OXR1: variants seen among roughly 807,000 people sequenced by gnomAD.
OXR1 encodes the protein oxidation resistance 1.
OXR1 carries 41 observed loss-of-function variants against 104.6 expected under a neutral mutation model. That is an observed-to-expected ratio of 0.39 (90% CI 0.31 to 0.51). The LOEUF (loss-of-function observed/expected upper bound fraction) is 0.51, where lower values mean the gene tolerates loss of function less well. OXR1 is among the 20% of genes least tolerant of loss of function. The pLI is 0.77. For synonymous variants in OXR1, 348 were observed against 348.4 expected, an observed-to-expected ratio of 1.00 and a Z score of 0.01; for missense variants, 955 against 1,031.9, an observed-to-expected ratio of 0.93 and a Z score of 1.02.
At chr8:106,748,167 T>A (rs554481853) in intron 16 of OXR1, among the ~76,000 whole-genome samples, 1 of 152,360 alleles carries the variant, frequency 6.6e-6, no homozygotes, top group African/African-American at 2.4e-5. Context: ...TTCTAATTTA[T>A]CTCTGTATTT....
At chr8:106,712,593 G>A (rs1349295162) in intron 10 of OXR1, among the ~76,000 whole-genome samples, 2 of 152,026 alleles carry the variant, frequency 1.3e-5, no homozygotes, top group African/African-American at 2.4e-5. Flanking sequence ...ACACGTTTGT[G>A]TACCTCTTGG....
At position 106,740,126 on chromosome 8, in the gene OXR1, G is replaced by T. The variant is rs1278351671; in HGVS notation, c.2164-217G>T. ...TGTTCTAATCTGTGTCTGGTTCAGG[G>T]TGATTCTTTATTTTCCTAATAGACA... On this transcript the variant is annotated intron_variant, in intron 13 of 16. Coordinates refer to ENST00000517566, the MANE Select transcript of OXR1 (RefSeq NM_001198533.2). 9.0e-6 allele frequency: 4 copies of T among 444,144 alleles called. No homozygotes were observed. The East Asian group carries it at 1.5e-4, about 17-fold the overall frequency. The allele number at this position is 444,144 out of a possible 1,614,324, so 27.5% of individuals were successfully genotyped here. A position where few individuals can be genotyped will look rare whatever the true frequency, so the allele number is the denominator to read the frequency against.
intron 1 of OXR1, among the ~76,000 whole-genome samples, chr8:106,348,017 TTAAAG>T (rs1287040076): frequency 6.6e-6 from 1 of 152,164 alleles, no homozygotes; most frequent in Non-Finnish European, 1.5e-5. Flanking sequence ...AAGTTTTGAA[TTAAAG>T]TGGGTATTGA....
chr8:106,393,756 T>C (rs1014070471), intron 2 of OXR1, among the ~76,000 whole-genome samples: 7 of 152,024 alleles, frequency 4.6e-5, no homozygotes, highest in Non-Finnish European at 1.0e-4. Flanking sequence ...CTAGTAAATT[T>C]TATGTACATA....
chr8:106,620,515 T>C (rs932846522), intron 3 of OXR1, among the ~76,000 whole-genome samples: 1 of 152,216 alleles, frequency 6.6e-6, no homozygotes, highest in African/African-American at 2.4e-5. Context: ...CCTCACTACA[T>C]TCTTCCACTC....
intron 2 of OXR1, among the ~76,000 whole-genome samples, chr8:106,406,810 A>G (rs998102085): frequency 6.6e-6 from 1 of 152,202 alleles, no homozygotes. Flanking sequence ...TCTAGAATGT[A>G]TATCAAGAGT....
At chr8:106,415,863 T>C (rs1395885478) in intron 2 of OXR1, among the ~76,000 whole-genome samples, 2 of 152,194 alleles carry the variant, frequency 1.3e-5, no homozygotes, top group East Asian at 3.9e-4. Context: ...ATGCGTTTGA[T>C]GCATAGCATG....
intron 3 of OXR1, among the ~76,000 whole-genome samples, chr8:106,670,673 C>T (rs1826849631): frequency 6.6e-6 from 1 of 151,940 alleles, no homozygotes; most frequent in African/African-American, 2.4e-5. Context: ...GGAAAGAATT[C>T]CCTAACTGAA....
chr8:106,439,137 T>C (rs1173462934), intron 2 of OXR1, among the ~76,000 whole-genome samples: 1 of 152,120 alleles, frequency 6.6e-6, no homozygotes, highest in East Asian at 1.9e-4. Context: ...TTAAAATTCA[T>C]GTGTTGAAAC....
chr8:106,308,235 C>T (rs1353182477), intron 1 of OXR1, among the ~76,000 whole-genome samples: 3 of 152,074 alleles, frequency 2.0e-5, no homozygotes, highest in African/African-American at 7.2e-5. Context: ...GCACTAATGT[C>T]CCAGGTTGTC....
chr8:106,606,467 A>AG (rs1554602424), intron 3 of OXR1, among the ~76,000 whole-genome samples: 1 of 136,930 alleles, frequency 7.3e-6, no homozygotes, highest in Non-Finnish European at 1.6e-5. Flanking sequence ...TGCCTGGCTA[A>AG]TTTTTTTTTT....
intron 3 of OXR1, among the ~76,000 whole-genome samples, chr8:106,564,175 A>G (rs1285412453): frequency 1.3e-5 from 2 of 152,212 alleles, no homozygotes; most frequent in South Asian, 2.1e-4. Context: ...AGCCCTTCAA[A>G]AAATCAATGA....
intron 2 of OXR1, among the ~76,000 whole-genome samples, chr8:106,376,039 G>A (rs1458684988): frequency 5.3e-5 from 8 of 152,024 alleles, no homozygotes. Context: ...TTCAAAGGCA[G>A]GGTCTCAGTA....
chr8:106,404,459 G>A (rs1818132122), intron 2 of OXR1, among the ~76,000 whole-genome samples: 1 of 152,160 alleles, frequency 6.6e-6, no homozygotes, highest in South Asian at 2.1e-4. Context: ...GCTGCAAGAT[G>A]AGATTCTGCA....
chr8:106,289,452 C>T (rs1166634899), intron 1 of OXR1, among the ~76,000 whole-genome samples: 1 of 152,058 alleles, frequency 6.6e-6, no homozygotes, highest in Non-Finnish European at 1.5e-5. Flanking sequence ...ACACAGCTAA[C>T]CAAGGAGGTG....
chr8:106,694,990 A>AT (rs1829858971), intron 7 of OXR1, among the ~76,000 whole-genome samples: 1 of 93,040 alleles, frequency 1.1e-5, no homozygotes, highest in Admixed American at 1.0e-4. Flanking sequence ...ATATATCTTT[A>AT]ATATGTCACA....
chr8:106,461,197 G>T (rs1037303041), intron 2 of OXR1, among the ~76,000 whole-genome samples: 1 of 152,138 alleles, frequency 6.6e-6, no homozygotes, highest in Non-Finnish European at 1.5e-5. Flanking sequence ...CTCAAATTCA[G>T]ATCTGGCTAG....
At chr8:106,569,872 A>G (rs1424656551) in intron 3 of OXR1, among the ~76,000 whole-genome samples, 2 of 152,260 alleles carry the variant, frequency 1.3e-5, no homozygotes, top group Non-Finnish European at 2.9e-5. Flanking sequence ...GTCTCCCATT[A>G]TGGAATCAAA....
At chr8:106,729,026 G>C (rs762197817) in intron 11 of OXR1, among the ~76,000 whole-genome samples, 1 of 152,148 alleles carries the variant, frequency 6.6e-6, no homozygotes, top group East Asian at 1.9e-4. Context: ...TTTAGGAAGA[G>C]CTAATTTAAA....
Sources: gnomAD v4.1 joint callset for allele counts (sites outside exome capture counted in the v4.1 genomes callset) on GRCh38, gnomAD v4.1.1 for gene constraint, MANE v1.5 for transcripts, NCBI Gene and HGNC (gene_info 2026-07-23, HGNC 2026-07-21) for gene names.